The following WNK1 variants were observed in gnomAD, a reference collection of about 807,000 sequenced individuals.
WNK1 encodes the protein WNK lysine deficient protein kinase 1.
WNK1 carries 38 observed loss-of-function variants against 222.8 expected under a neutral mutation model. The observed-to-expected ratio is 0.17, with a 90% confidence interval of 0.13 to 0.22. The LOEUF is 0.22. Among genes scored for constraint, WNK1 ranks in the 10% least tolerant of loss-of-function variants. The pLI, the probability that WNK1 is intolerant of heterozygous loss-of-function variation, is 1.00. For synonymous variants in WNK1, 1,090 were observed against 1,092.9 expected (o/e 1.00, Z 0.05); for missense variants, 2,348 against 2,918.4 (o/e 0.80, Z 4.50).
At chr12:891,085 T>C (rs1454908006) in intron 22 of WNK1, among the ~76,000 whole-genome samples, 1 of 152,162 alleles carries the variant, frequency 6.6e-6, no homozygotes, top group Non-Finnish European at 1.5e-5. Flanking sequence ...TTACTACCAA[T>C]AAAAAGAGAA....
intron 1 of WNK1, among the ~76,000 whole-genome samples, chr12:806,851 G>A (rs1005352510): frequency 1.3e-5 from 2 of 152,152 alleles, no homozygotes; most frequent in Admixed American, 1.3e-4. Flanking sequence ...GACCTTGCCA[G>A]GCATAAAGAT....
At chr12:882,900 C>A in intron 14 of WNK1, 43 bp from the exon 15 acceptor site, 1 of 1,246,008 alleles carries the variant, frequency 8.0e-7, no homozygotes, top group Non-Finnish European at 1.2e-6. Flanking sequence ...AGTAATAAAG[C>A]TGAATATGGT....
rs777323797 is a variant in WNK1 at position 859,634 on chromosome 12, T to TGTGTGTGTGGTTG, written c.1620+170_1620+171insGTGTGTGTGGTTG. ...TAGTGGGATTTTCGTGTGTGTGTGT[T>TGTGTGTGTGGTTG]TTTTTTTTTTTTAAACTTCTTTGTA... On this transcript the variant is annotated intron_variant, in intron 6 of 27. Coordinates refer to ENST00000315939, the MANE Select transcript of WNK1 (RefSeq NM_018979.4). Among the ~76,000 whole-genome samples the TGTGTGTGTGGTTG allele has an allele frequency of 3.9e-4, 5 of 12,958 alleles. No individual in the cohort carries two copies. In the Admixed American group the frequency reaches 4.0e-3, roughly 10 times the overall value. 8.5% of individuals were successfully genotyped at this position (12,958 alleles called of 152,430 possible).
At chr12:799,051 C>T (rs1245453397) in intron 1 of WNK1, among the ~76,000 whole-genome samples, 1 of 151,972 alleles carries the variant, frequency 6.6e-6, no homozygotes, top group Non-Finnish European at 1.5e-5. Context: ...AACAACCTTC[C>T]CCCCGTCCCC....
At chr12:864,955 G>T (rs1565541349) in intron 8 of WNK1, among the ~76,000 whole-genome samples, 1 of 134,214 alleles carries the variant, frequency 7.5e-6, no homozygotes, top group Admixed American at 7.9e-5. Flanking sequence ...GTGCTATGTT[G>T]AGTTATAGCT....
intron 4 of WNK1, among the ~76,000 whole-genome samples, chr12:844,458 A>G (rs1301013252): frequency 6.6e-6 from 1 of 152,164 alleles, no homozygotes; most frequent in Non-Finnish European, 1.5e-5. Flanking sequence ...TTTAAAAAGG[A>G]AAACCGGTAA....
chr12:810,737 A>G (rs1946828643), intron 1 of WNK1, among the ~76,000 whole-genome samples: 2 of 152,218 alleles, frequency 1.3e-5, no homozygotes, highest in South Asian at 2.1e-4. Flanking sequence ...AAGATGTGCA[A>G]ATGGTTATGA....
chr12:846,608 G>A (rs1950044299), intron 4 of WNK1, among the ~76,000 whole-genome samples: 1 of 152,140 alleles, frequency 6.6e-6, no homozygotes. Context: ...TAAGAATCTG[G>A]CTGAATCCAG....
In WNK1 at chr12:803,419, A is replaced by G. The variant is rs553433807; in HGVS notation, c.760-10223A>G. ...AATATACAATAGCGTGATAAATACC[A>G]TATTCCAGATAGTGGCTCTGGGGAT... On this transcript the variant is annotated intron_variant, in intron 1 of 27. Transcript: ENST00000315939. Among the ~76,000 whole-genome samples, 12 of 152,382 alleles carry G rather than the reference A, an allele frequency of 7.9e-5. No individual in the cohort carries two copies. The East Asian group carries it at 1.9e-3, about 24-fold the overall frequency.
At chr12:798,314 C>T (rs959217720) in intron 1 of WNK1, among the ~76,000 whole-genome samples, 4 of 152,078 alleles carry the variant, frequency 2.6e-5, no homozygotes, top group Non-Finnish European at 4.4e-5. Context: ...ACCTCAGCCT[C>T]CTGAATAGCT....
At chr12:791,490 C>T (rs1157745378) in intron 1 of WNK1, among the ~76,000 whole-genome samples, 1 of 151,552 alleles carries the variant, frequency 6.6e-6, no homozygotes, top group African/African-American at 2.4e-5. Context: ...CTTTGCTTTT[C>T]TATAATAACA....
Position 860,999 on chromosome 12 carries a change from C to A in WNK1, c.1621-14C>A. 3 of 1,612,416 alleles carry A rather than the reference C, an allele frequency of 1.9e-6. No homozygotes were observed. The highest frequency in any genetic ancestry group is 2.5e-6 in the Non-Finnish European group (3 of 1,179,334). On this transcript the variant is annotated splice_polypyrimidine_tract_variant and intron_variant, in intron 6 of 27. Transcript: ENST00000315939. ...TCAATATACTACTGCTTAATTTACC[C>A]TTTTATTCTGTAGGTAGAGTCTGGG... is the stretch of plus-strand genomic sequence containing the variant.
Position 897,166 on chromosome 12 carries a change from C to T in WNK1, c.6246-313C>T, listed in dbSNP as rs539536779. Among the ~76,000 whole-genome samples, 179 of 152,224 alleles carry T rather than the reference C, an allele frequency of 1.2e-3. 1 individual carries two copies. Among genetic ancestry groups the T allele is most frequent in the Admixed American group, 0.011 (163 of 15,298 alleles). ...CACTGGGATGTATGATTATTTGGCA[C>T]GTTTTGTTTGGCAGATTGGGTCAGA... On this transcript the variant is annotated intron_variant, in intron 24 of 27. Coordinates refer to ENST00000315939, the MANE Select transcript of WNK1 (RefSeq NM_018979.4).
chr12:904,370 T>A, intron 26 of WNK1: 1 of 1,130,856 alleles, frequency 8.8e-7, no homozygotes, highest in Non-Finnish European at 1.2e-6. Flanking sequence ...TTGCTGGGCG[T>A]TTGTGTGCTG....
At chr12:905,662 T>C (rs1205364615) in intron 26 of WNK1, among the ~76,000 whole-genome samples, 1 of 152,228 alleles carries the variant, frequency 6.6e-6, no homozygotes, top group African/African-American at 2.4e-5. Context: ...GCTTGCTTTC[T>C]AGATTGAGTC....
rs181647473 is a variant in WNK1, at chr12:799,048, T to C, written c.760-14594T>C. Among the ~76,000 whole-genome samples the C allele has an allele frequency of 5.5e-4, 84 of 152,316 alleles. No homozygotes were observed. In the East Asian group the frequency reaches 0.016, roughly 29 times the overall value. Reference sequence around the variant, plus strand: ...ATATGTTGGAATTCTTGTAACAACCTTCCCCCCGTCCCCAACTACTTGCCT... The same window carrying C: ...ATATGTTGGAATTCTTGTAACAACCCTCCCCCCGTCCCCAACTACTTGCCT... On this transcript the variant is annotated intron_variant, in intron 1 of 27. Coordinates refer to ENST00000315939, the MANE Select transcript of WNK1 (RefSeq NM_018979.4).
In WNK1 at chr12:871,291, A is replaced by G. The variant is rs1218652858; in HGVS notation, c.2166A>G (p.Pro722=). 6 of 1,614,122 alleles carry G rather than the reference A, an allele frequency of 3.7e-6. No individual in the cohort carries two copies. The African/African-American group carries it at 4.0e-5, about 11-fold the overall frequency. Reference sequence around the variant, plus strand: ...CACAGGGGCAGAGCCAGGGTCAGCCATCCTCAAGTAGCTTAACAGGGGTTT... The same window carrying G: ...CACAGGGGCAGAGCCAGGGTCAGCCGTCCTCAAGTAGCTTAACAGGGGTTT... ...SVAQGQSQGQ[P]SSSSLTGVSS... The change falls in exon 9 of 28, where the codon CCA becomes CCG. Residue 722 remains proline (P), a synonymous_variant. Transcript: ENST00000315939.
chr12:882,116 T>G, intron 14 of WNK1, 43 bp downstream of exon 14: 6 of 1,562,784 alleles, frequency 3.8e-6, no homozygotes, highest in Non-Finnish European at 5.2e-6. Context: ...TTAAAGGAAT[T>G]TGACACTGAA....
At chr12:805,805 A>G (rs1946321230) in intron 1 of WNK1, among the ~76,000 whole-genome samples, 1 of 152,204 alleles carries the variant, frequency 6.6e-6, no homozygotes, top group African/African-American at 2.4e-5. Context: ...TATGATTCAA[A>G]AAACAAACTG....
Sources: allele counts gnomAD v4.1 joint callset (sites outside exome capture counted in the v4.1 genomes callset), GRCh38; gene constraint gnomAD v4.1.1; transcripts MANE v1.5; gene names NCBI Gene and HGNC (gene_info 2026-07-23, HGNC 2026-07-21).